DBT: variants seen among roughly 807,000 people sequenced by gnomAD.
The protein encoded by DBT is lipoamide acyltransferase component of branched-chain alpha-keto acid dehydrogenase complex, mitochondrial.
DBT carries 40 observed loss-of-function variants against 51.3 expected under a neutral mutation model. The ratio of observed to expected loss-of-function variants is 0.78; its 90% CI spans 0.61 to 1.02. The LOEUF (loss-of-function observed/expected upper bound fraction) is 1.02, where lower values mean the gene tolerates loss of function less well. DBT is among the 50% of genes least tolerant of loss of function. DBT has a pLI of 0.00. For synonymous variants in DBT, 181 were observed against 190.4 expected (o/e 0.95, Z 0.41); for missense variants, 510 against 580.2 (o/e 0.88, Z 1.24).
intron 5 of DBT, among the ~76,000 whole-genome samples, chr1:100,217,438 A>G (rs889437780): frequency 6.6e-6 from 1 of 152,212 alleles, no homozygotes; most frequent in African/African-American, 2.4e-5. Context: ...TATCAAGGAT[A>G]CATAACATAA....
At chr1:100,221,268 A>C (rs1662843699) in intron 4 of DBT, among the ~76,000 whole-genome samples, 1 of 152,184 alleles carries the variant, frequency 6.6e-6, no homozygotes, top group Non-Finnish European at 1.5e-5. Flanking sequence ...TGTTGGAAGA[A>C]AGCTGTCACT....
At chr1:100,215,030 C>T in intron 6 of DBT, 47 bp from the exon 7 acceptor site, 1 of 1,236,732 alleles carries the variant, frequency 8.1e-7, no homozygotes, top group Non-Finnish European at 1.1e-6. Context: ...TCTCAAATCT[C>T]TTCATCCTTT....
chr1:100,226,047 T>C (rs1306680855), intron 4 of DBT, among the ~76,000 whole-genome samples: 1 of 152,102 alleles, frequency 6.6e-6, no homozygotes, highest in Non-Finnish European at 1.5e-5. Context: ...TACTTGTTCA[T>C]ATAAATAACT....
At chr1:100,232,337 G>A (rs1489412531) in intron 3 of DBT, among the ~76,000 whole-genome samples, 1 of 152,040 alleles carries the variant, frequency 6.6e-6, no homozygotes, top group Non-Finnish European at 1.5e-5. Context: ...ACAGGGTCTT[G>A]CTATGTTGCC....
intron 4 of DBT, among the ~76,000 whole-genome samples, chr1:100,229,889 GA>G (rs1418188984): frequency 1.3e-5 from 2 of 152,236 alleles, no homozygotes; most frequent in African/African-American, 2.4e-5. Flanking sequence ...TTCTCATGAT[GA>G]ATTCCCTTTT....
rs914907269 is a variant in DBT at position 100,187,879 on chromosome 1, T to C, written c.*8376A>G. ...GACAAATTTTTGTATTTAGAAAGTA[T>C]GACAATCTGAAAATCAACATTTTAC... On this transcript the variant is annotated 3_prime_UTR_variant, in exon 11 of 11. Coordinates refer to ENST00000370132, the MANE Select transcript of DBT (RefSeq NM_001918.5). The C allele has an allele frequency of 6.6e-6, 1 of 152,224 alleles. No homozygotes were observed. The highest frequency in any genetic ancestry group is 2.4e-5 in the African/African-American group (1 of 41,454). The allele number at this position is 152,224 out of a possible 1,614,324, so 9.4% of individuals were successfully genotyped here.
At chr1:100,204,374 T>C (rs1661637411) in intron 10 of DBT, among the ~76,000 whole-genome samples, 2 of 151,994 alleles carry the variant, frequency 1.3e-5, no homozygotes, top group South Asian at 4.1e-4. Context: ...GAGAATAAAA[T>C]ACCTAGGAAT....
intron 7 of DBT, chr1:100,213,289 C>A: frequency 3.6e-6 from 5 of 1,390,264 alleles, no homozygotes; most frequent in East Asian, 3.0e-5. Context: ...CGAGCCGGGC[C>A]GCCATGGACC....
In DBT at chr1:100,195,800, G is replaced by C. The variant is rs544218364; in HGVS notation, c.*455C>G. ...CTGCCTCAGCCTCCCAAGTAGCTGG[G>C]ATTATAGGTACCCACCACCACACCC... On this transcript the variant is annotated 3_prime_UTR_variant, in exon 11 of 11. Transcript: ENST00000370132. 1 of 186,444 alleles carries C rather than the reference G, an allele frequency of 5.4e-6. No homozygotes were observed. The highest frequency in any genetic ancestry group is 2.4e-5 in the African/African-American group (1 of 42,042). The allele number at this position is 186,444 out of a possible 1,614,324, so 11.5% of individuals were successfully genotyped here.
chr1:100,245,470 A>G (rs1020950067), intron 1 of DBT, among the ~76,000 whole-genome samples: 1 of 152,206 alleles, frequency 6.6e-6, no homozygotes, highest in African/African-American at 2.4e-5. Flanking sequence ...GAACAATACT[A>G]AAGACACCTA....
chr1:100,224,691 G>T (rs1352124127), intron 4 of DBT, among the ~76,000 whole-genome samples: 1 of 151,902 alleles, frequency 6.6e-6, no homozygotes, highest in Admixed American at 6.6e-5. Flanking sequence ...CTGAGATAGA[G>T]CTGACACACA....
At chr1:100,219,361 A>T (rs908540771) in intron 4 of DBT, among the ~76,000 whole-genome samples, 4 of 151,970 alleles carry the variant, frequency 2.6e-5, no homozygotes, top group African/African-American at 4.8e-5. Context: ...AAAAAAAAAA[A>T]TTTGTATTTT....
Position 100,249,813 on chromosome 1 carries a change from G to A in DBT, c.8C>T (p.Ala3Val), listed in dbSNP as rs1286883842. The A allele has an allele frequency of 6.2e-7, 1 of 1,614,028 alleles. No homozygotes were observed. The highest frequency in any genetic ancestry group is 1.3e-5 in the African/African-American group (1 of 74,930). Residue 3 changes from alanine to valine, a missense_variant, in exon 1 of 11, where the codon GCA (alanine) becomes GTA (valine). Physicochemically the swap from Ala to Val is moderately conservative, Grantham distance 64. Transcript: ENST00000370132. ...GCTCCAGGTTCTCAGCATACGGACT[G>A]CAGCCATCTTACCCCGGAAATGACA... MA[A>V]VRMLRTWSRN...
At position 100,218,715 on chromosome 1, in the gene DBT, C is replaced by A. The variant is rs745356480; in HGVS notation, c.466G>T (p.Val156Leu). 3.1e-6 allele frequency: 5 copies of A among 1,613,740 alleles called. No homozygotes were observed. Among genetic ancestry groups the A allele is most frequent in the Non-Finnish European group, 4.2e-6 (5 of 1,179,870 alleles). Residue 156 changes from valine (V) to leucine (L), a missense_variant, in exon 5 of 11, where the codon GTG (valine) becomes TTG (leucine). Val to Leu is a conservative substitution (Grantham distance 32). Transcript: ENST00000370132. The part of the protein sequence containing the change: ...SEEDVVETPA[V>L]SHDEHTHQEI... ...TGGTGTGTATGTTCATCATGAGACA[C>A]TGCAGGAGTTTCAACAACATCTTCT...
chr1:100,197,948 T>A (rs1429048863), intron 10 of DBT, among the ~76,000 whole-genome samples: 1 of 152,174 alleles, frequency 6.6e-6, no homozygotes, highest in Non-Finnish European at 1.5e-5. Context: ...AATATTATTT[T>A]AAGGGAATAA....
chr1:100,219,281 G>A (rs930074283), intron 4 of DBT, among the ~76,000 whole-genome samples: 6 of 152,060 alleles, frequency 3.9e-5, no homozygotes, highest in African/African-American at 1.4e-4. Context: ...GAGCCCAGGA[G>A]GTCGAGGCTG....
intron 10 of DBT, among the ~76,000 whole-genome samples, chr1:100,201,382 C>T (rs1371526107): frequency 1.3e-5 from 2 of 151,944 alleles, no homozygotes; most frequent in Non-Finnish European, 2.9e-5. Flanking sequence ...GGAACAAAGC[C>T]TCAAGAAATA....
Position 100,189,437 on chromosome 1 carries a change from CA to C in DBT, c.*6817del, listed in dbSNP as rs1298115759. Reference sequence around the variant, plus strand: ...CATGTAAGGTTTGGCATAAATAGTTCATAGTTGACCTGGTCTGTCTGACTGT... The same window carrying C: ...CATGTAAGGTTTGGCATAAATAGTTCTAGTTGACCTGGTCTGTCTGACTGT... On this transcript the variant is annotated 3_prime_UTR_variant, in exon 11 of 11. Transcript: ENST00000370132. 6.6e-6 allele frequency: 1 copy of C among 151,308 alleles called. No individual in the cohort carries two copies. Among genetic ancestry groups the C allele is most frequent in the Non-Finnish European group, 1.5e-5 (1 of 67,952 alleles). The allele number at this position is 151,308 out of a possible 1,614,324, so 9.4% of individuals were successfully genotyped here. A position where few individuals can be genotyped will look rare whatever the true frequency, so the allele number is the denominator to read the frequency against.
Position 100,216,173 on chromosome 1 carries a change from T to C in DBT, c.582A>G (p.Ser194=). The C allele has an allele frequency of 1.2e-6, 2 of 1,613,614 alleles. No individual in the cohort carries two copies. The highest frequency in any genetic ancestry group is 2.2e-5 in the South Asian group (2 of 91,072). ...NNIKLSEVVG[S]GKDGRILKED... ...CTTTAAGTATTCTGCCATCTTTTCC[T>C]GAGCCAACAACTTCACTCAGCTTAA... Residue 194 remains serine, a synonymous_variant, in exon 6 of 11, where the codon TCA becomes TCG. Coordinates refer to ENST00000370132, the MANE Select transcript of DBT (RefSeq NM_001918.5).
Sources: allele counts gnomAD v4.1 joint callset (sites outside exome capture counted in the v4.1 genomes callset), GRCh38; gene constraint gnomAD v4.1.1; transcripts MANE v1.5; gene names NCBI Gene and HGNC (gene_info 2026-07-23, HGNC 2026-07-21).